The following KITLG variants were observed in gnomAD, a reference collection of about 807,000 sequenced individuals.
KITLG encodes the protein KIT ligand, also known as c-Kit ligand.
KITLG carries 13 observed loss-of-function variants against 34.1 expected under a neutral mutation model. The observed-to-expected ratio is 0.38, with a 90% CI of 0.25 to 0.61. The LOEUF (loss-of-function observed/expected upper bound fraction) is 0.61. KITLG is among the 20% of genes least tolerant of loss of function. The pLI, the probability that KITLG is intolerant of heterozygous loss-of-function variation, is 0.60. For missense variants in KITLG, 292 were observed against 318.9 expected (o/e 0.92, Z 0.64); for synonymous variants, 110 against 104.0 (o/e 1.06, Z -0.35).
chr12:88,520,879 A>G (rs1316230239), intron 3 of KITLG, among the ~76,000 whole-genome samples: 3 of 152,144 alleles, frequency 2.0e-5, no homozygotes, highest in Admixed American at 6.5e-5. Flanking sequence ...AACAGTCTAA[A>G]CAATCAACTC....
intron 3 of KITLG, among the ~76,000 whole-genome samples, chr12:88,520,369 C>T (rs754418352): frequency 1.3e-5 from 2 of 152,094 alleles, no homozygotes; most frequent in Non-Finnish European, 2.9e-5. Context: ...CCTTATAGAC[C>T]GTCAGCCCTA....
chr12:88,552,312 T>A (rs1870946095), intron 1 of KITLG, among the ~76,000 whole-genome samples: 1 of 151,576 alleles, frequency 6.6e-6, no homozygotes, highest in African/African-American at 2.4e-5. Context: ...GTAGCTGGGA[T>A]TATAGGTGCC....
At chr12:88,562,174 G>T (rs1305290408) in intron 1 of KITLG, among the ~76,000 whole-genome samples, 1 of 152,184 alleles carries the variant, frequency 6.6e-6, no homozygotes, top group Non-Finnish European at 1.5e-5. Flanking sequence ...TTTGTGGATT[G>T]TATGTATTGC....
chr12:88,505,466 C>T (rs996008371), intron 8 of KITLG, among the ~76,000 whole-genome samples: 3 of 152,148 alleles, frequency 2.0e-5, no homozygotes, highest in African/African-American at 7.2e-5. Flanking sequence ...TATGCATATA[C>T]ACATACCAAG....
In KITLG at chr12:88,564,393, G is replaced by GA. The variant is rs1871380467; in HGVS notation, c.15+15870dup. 2 of 116,706 alleles carry GA rather than the reference G, an allele frequency of 1.7e-5. 1 individual carries two copies. The highest frequency in any genetic ancestry group is 6.3e-4 in the South Asian group (2 of 3,180). The allele number at this position is 116,706 out of a possible 1,614,324, so 7.2% of individuals were successfully genotyped here. The stretch of plus-strand genomic sequence containing the variant: ...AGAACAAATGTAAACAGGGAAACTG[G>GA]ATAGCAAAGAGATTTTCTCACCATA... On this transcript the variant is annotated intron_variant, in intron 1 of 9. Transcript: ENST00000644744.
At chr12:88,514,510 T>C (rs1391322215) in intron 6 of KITLG, among the ~76,000 whole-genome samples, 3 of 151,696 alleles carry the variant, frequency 2.0e-5, no homozygotes, top group African/African-American at 4.8e-5. Flanking sequence ...CAGAAGATTC[T>C]GTCCTGCACA....
chr12:88,531,908 A>C (rs1943868815), intron 3 of KITLG, among the ~76,000 whole-genome samples: 1 of 152,198 alleles, frequency 6.6e-6, no homozygotes, highest in Non-Finnish European at 1.5e-5. Flanking sequence ...TGATTTATGT[A>C]ATATAGGCAT....
intron 9 of KITLG, 43 bp from the exon 10 acceptor site, chr12:88,497,224 T>A (rs1475442260): frequency 7.9e-6 from 3 of 379,274 alleles, no homozygotes; most frequent in Non-Finnish European, 1.6e-5. Flanking sequence ...TGTATCTGCC[T>A]TCTGCCTTTT....
chr12:88,531,080 T>A (rs1030408575), intron 3 of KITLG, among the ~76,000 whole-genome samples: 1 of 152,118 alleles, frequency 6.6e-6, no homozygotes, highest in African/African-American at 2.4e-5. Context: ...TTGAAATGAG[T>A]CAACATAAAA....
intron 2 of KITLG, among the ~76,000 whole-genome samples, chr12:88,542,212 C>T (rs924629887): frequency 1.3e-5 from 2 of 152,098 alleles, no homozygotes; most frequent in Non-Finnish European, 2.9e-5. Flanking sequence ...TTCTTATCTT[C>T]TTTGGGGTCT....
At chr12:88,555,453 A>G (rs1269950715) in intron 1 of KITLG, among the ~76,000 whole-genome samples, 1 of 152,218 alleles carries the variant, frequency 6.6e-6, no homozygotes, top group African/African-American at 2.4e-5. Context: ...ATATAAACCA[A>G]AACCTACACT....
intron 2 of KITLG, among the ~76,000 whole-genome samples, chr12:88,538,501 A>G (rs894358062): frequency 1.3e-5 from 2 of 151,950 alleles, no homozygotes; most frequent in Admixed American, 1.3e-4. Flanking sequence ...AATGTGTTTC[A>G]GCAGAGAAGG....
chr12:88,563,748 G>A (rs1379432346), intron 1 of KITLG, among the ~76,000 whole-genome samples: 1 of 152,298 alleles, frequency 6.6e-6, no homozygotes, highest in East Asian at 1.9e-4. Flanking sequence ...ATCACCTAAG[G>A]TCAGGAGTTC....
At chr12:88,538,493 TGTGTTTCAGCAGAGAAGGA>T (rs1158432241) in intron 2 of KITLG, among the ~76,000 whole-genome samples, 4 of 151,594 alleles carry the variant, frequency 2.6e-5, no homozygotes, top group Non-Finnish European at 4.4e-5. Context: ...CAACACTGAA[TGTGTTTCAGCAGAGAAGGA>T]ACCTGGTAGT....
At chr12:88,514,409 A>T (rs904513659) in intron 6 of KITLG, among the ~76,000 whole-genome samples, 17 of 151,452 alleles carry the variant, frequency 1.1e-4, no homozygotes, top group African/African-American at 4.1e-4. Context: ...TGGTAAGAAA[A>T]CCCTTAATTG....
At chr12:88,547,532 A>G (rs983862036) in intron 1 of KITLG, among the ~76,000 whole-genome samples, 3 of 152,224 alleles carry the variant, frequency 2.0e-5, no homozygotes, top group Non-Finnish European at 2.9e-5. Flanking sequence ...GACAACCCCT[A>G]CATACAAACT....
chr12:88,565,397 C>T (rs1340250658), intron 1 of KITLG, among the ~76,000 whole-genome samples: 1 of 152,102 alleles, frequency 6.6e-6, no homozygotes, highest in Non-Finnish European at 1.5e-5. Context: ...GAGGTTGAGG[C>T]AGGCAGATCA....
intron 3 of KITLG, among the ~76,000 whole-genome samples, chr12:88,522,057 C>T (rs1023726188): frequency 2.0e-5 from 3 of 151,956 alleles, no homozygotes; most frequent in African/African-American, 4.8e-5. Context: ...ATCATGATCT[C>T]GCTAAATGAT....
At chr12:88,509,513 A>G (rs1439610272) in intron 6 of KITLG, among the ~76,000 whole-genome samples, 1 of 152,204 alleles carries the variant, frequency 6.6e-6, no homozygotes, top group African/African-American at 2.4e-5. Flanking sequence ...CCATGTTGAC[A>G]GTTCCATCCC....
Sources: gnomAD v4.1 joint callset for allele counts (sites outside exome capture counted in the v4.1 genomes callset) on GRCh38, gnomAD v4.1.1 for gene constraint, MANE v1.5 for transcripts, NCBI Gene and HGNC (gene_info 2026-07-23, HGNC 2026-07-21) for gene names.